The following KLHL25 variants were observed in gnomAD, a reference collection of about 807,000 sequenced individuals.
The protein encoded by KLHL25 is kelch-like protein 25.
KLHL25 carries 41 observed loss-of-function variants against 30.0 expected under a neutral mutation model. That is an observed-to-expected ratio of 1.37 (90% CI 1.07 to 1.78). The LOEUF is 1.78. KLHL25 is among the 40% of genes most tolerant of loss of function. The pLI, the probability that KLHL25 is intolerant of heterozygous loss-of-function variation, is 0.00. For missense variants in KLHL25, 971 were observed against 824.5 expected (o/e 1.18, Z -2.18); for synonymous variants, 399 against 355.3 (o/e 1.12, Z -1.38).
At chr15:85,780,045 T>TCA (rs1402391508) in intron 1 of KLHL25, among the ~76,000 whole-genome samples, 1 of 152,200 alleles carries the variant, frequency 6.6e-6, no homozygotes, top group Non-Finnish European at 1.5e-5. Context: ...GAGGCTTCTT[T>TCA]CAGCTCAAGG....
At chr15:85,773,167 G>A (rs996935274) in intron 1 of KLHL25, among the ~76,000 whole-genome samples, 2 of 152,270 alleles carry the variant, frequency 1.3e-5, no homozygotes, top group African/African-American at 2.4e-5. Context: ...CAGGGACCAT[G>A]TGTGGGGCTC....
chr15:85,762,150 T>G (rs2089587515), intron 2 of KLHL25: 1 of 152,236 alleles, frequency 6.6e-6, no homozygotes, highest in South Asian at 2.1e-4. Flanking sequence ...CCCTTCAAGC[T>G]CCTCACAAGT....
intron 1 of KLHL25, among the ~76,000 whole-genome samples, chr15:85,776,475 A>G (rs56183577): frequency 0.15 from 22,606 of 150,500 alleles, 2,238 homozygotes; most frequent in Middle Eastern, 0.3. Context: ...GGCGACAGAG[A>G]GGCTCCGTCT....
In KLHL25 at chr15:85,780,944, G is replaced by C. The variant is rs143985711; in HGVS notation, c.-10-11124C>G. Among the ~76,000 whole-genome samples, 758 of 152,304 alleles carry C rather than the reference G, an allele frequency of 5.0e-3. 13 individuals are homozygous for C. The highest frequency in any genetic ancestry group is 0.01 in the Admixed American group (154 of 15,304). ...ACACCGCAGCATGGTTACAAAAGGA[G>C]GGGCTGCGAACAACTACAATGTTCA... On this transcript the variant is annotated intron_variant, in intron 1 of 2. Transcript: ENST00000337975.
At chr15:85,765,635 AGAAGAAG>A (rs1435252590) in intron 2 of KLHL25, among the ~76,000 whole-genome samples, 114 of 62,442 alleles carry the variant, frequency 1.8e-3, no homozygotes, top group African/African-American at 4.7e-3. Flanking sequence ...AAAAAAAAAA[AGAAGAAG>A]AAGAAGAAGA....
rs1467160872 is a variant in KLHL25, at chr15:85,790,844, C to T, written c.-11+3922G>A. ...GACCAGGAAGATTTTTATGTATTTG[C>T]AGAAAATATGGTGCAATTTCTCAAT... On this transcript the variant is annotated intron_variant, in intron 1 of 2. Coordinates refer to ENST00000337975, the MANE Select transcript of KLHL25 (RefSeq NM_022480.4). 2.0e-5 allele frequency among the ~76,000 whole-genome samples: 3 copies of T among 150,658 alleles called. No individual in the cohort carries two copies. The East Asian group carries it at 5.9e-4, about 30-fold the overall frequency.
intron 1 of KLHL25, among the ~76,000 whole-genome samples, chr15:85,774,904 T>C (rs1409627702): frequency 7.0e-6 from 1 of 143,530 alleles, no homozygotes; most frequent in Admixed American, 7.2e-5. Flanking sequence ...TGAGACGGAG[T>C]CTTGCTCTGT....
At chr15:85,767,053 T>C (rs1383293298) in intron 2 of KLHL25, among the ~76,000 whole-genome samples, 1 of 150,078 alleles carries the variant, frequency 6.7e-6, no homozygotes, top group African/African-American at 2.5e-5. Context: ...TACAGCGGCA[T>C]GATCTTGGCT....
In KLHL25 at chr15:85,769,320, A is replaced by G; in HGVS notation, c.491T>C (p.Leu164Pro). 6.2e-7 allele frequency: 1 copy of G among 1,614,094 alleles called. No individual in the cohort carries two copies. The highest frequency in any genetic ancestry group is 8.5e-7 in the Non-Finnish European group (1 of 1,180,034). ...LLSDAHQCRR[L>P]YEFSWRMCLV... Reference sequence around the variant, plus strand: ...GCACATGCGCCAGGAGAACTCATACAGCCGGCGGCACTGGTGGGCGTCCGA... The same window carrying G: ...GCACATGCGCCAGGAGAACTCATACGGCCGGCGGCACTGGTGGGCGTCCGA... The change falls in exon 2 of 3, where the codon CTG becomes CCG. Residue 164 changes from leucine to proline, a missense_variant. Physicochemically the swap from Leu to Pro is moderately conservative, Grantham distance 98. Coordinates refer to ENST00000337975, the MANE Select transcript of KLHL25 (RefSeq NM_022480.4).
chr15:85,787,439 T>G (rs2089787962), intron 1 of KLHL25, among the ~76,000 whole-genome samples: 1 of 151,940 alleles, frequency 6.6e-6, no homozygotes, highest in Non-Finnish European at 1.5e-5. Flanking sequence ...AGAGCGAAAC[T>G]CAGTCTCAAA....
rs1438017231 is a variant in KLHL25 at position 85,760,572 on chromosome 15, A to G, written c.*464T>C. The G allele has an allele frequency of 6.6e-6, 1 of 152,168 alleles. No individual in the cohort carries two copies. Among genetic ancestry groups the G allele is most frequent in the Non-Finnish European group, 1.5e-5 (1 of 68,016 alleles). The allele number at this position is 152,168 out of a possible 1,614,324, so 9.4% of individuals were successfully genotyped here. On this transcript the variant is annotated 3_prime_UTR_variant, in exon 3 of 3. Transcript: ENST00000337975. ...GGGAACCTAGTTTCCCAGGCCCAGG[A>G]CACCATCTATAGATGGCAGTAGAGC... is the stretch of plus-strand genomic sequence containing the variant.
chr15:85,778,159 A>G (rs1400048932), intron 1 of KLHL25, among the ~76,000 whole-genome samples: 1 of 152,228 alleles, frequency 6.6e-6, no homozygotes, highest in Non-Finnish European at 1.5e-5. Flanking sequence ...CAGATGACAG[A>G]GCTGCCACCA....
intron 2 of KLHL25, among the ~76,000 whole-genome samples, chr15:85,767,329 G>A (rs1305210282): frequency 6.6e-6 from 1 of 151,904 alleles, no homozygotes; most frequent in Non-Finnish European, 1.5e-5. Context: ...CTTGAATTGG[G>A]CTCAAGCCAT....
At position 85,780,839 on chromosome 15, in the gene KLHL25, G is replaced by A. The variant is rs990076000; in HGVS notation, c.-10-11019C>T. 3.9e-5 allele frequency among the ~76,000 whole-genome samples: 6 copies of A among 152,290 alleles called. No homozygotes were observed. The South Asian group carries it at 1.2e-3, about 32-fold the overall frequency. On this transcript the variant is annotated intron_variant, in intron 1 of 2. Coordinates refer to ENST00000337975, the MANE Select transcript of KLHL25 (RefSeq NM_022480.4). ...GGAAACATCTTACAAAATGACAAAT[G>A]CATGTGCCCTCTGCCCCAGCATTTC... is the stretch of plus-strand genomic sequence containing the variant.
At position 85,768,383 on chromosome 15, in the gene KLHL25, G is replaced by A. The variant is rs540387084; in HGVS notation, c.1428C>T (p.Ala476=). ...TGTACCGCCAAGGCTGGGGGCACTC[G>A]GCCTTGATCGTCCACCTGTTCTCCG... is the stretch of plus-strand genomic sequence containing the variant. ...DPSENRWTIK[A]ECPQPWRYTA... Residue 476 remains alanine (A), a synonymous_variant, in exon 2 of 3, where the codon GCC becomes GCT. Transcript: ENST00000337975. 2.0e-5 allele frequency: 32 copies of A among 1,613,670 alleles called. No individual in the cohort carries two copies. The highest frequency in any genetic ancestry group is 2.5e-5 in the Non-Finnish European group (30 of 1,180,010).
At chr15:85,773,285 C>A (rs538084339) in intron 1 of KLHL25, among the ~76,000 whole-genome samples, 1 of 152,090 alleles carries the variant, frequency 6.6e-6, no homozygotes, top group Non-Finnish European at 1.5e-5. Context: ...CCCTGAGACA[C>A]AGCACACGAA....
At chr15:85,785,960 AC>A (rs1555470903) in intron 1 of KLHL25, among the ~76,000 whole-genome samples, 1 of 82,652 alleles carries the variant, frequency 1.2e-5, no homozygotes, top group Admixed American at 1.3e-4. Flanking sequence ...AAGGCAGCCG[AC>A]CCACCCCCCC....
At chr15:85,778,112 G>T (rs2089721327) in intron 1 of KLHL25, among the ~76,000 whole-genome samples, 1 of 152,200 alleles carries the variant, frequency 6.6e-6, no homozygotes. Flanking sequence ...GGTTCAGGCG[G>T]TAATGAGTGT....
intron 2 of KLHL25, among the ~76,000 whole-genome samples, chr15:85,765,994 G>T (rs1448522640): frequency 6.6e-6 from 1 of 152,176 alleles, no homozygotes; most frequent in Non-Finnish European, 1.5e-5. Context: ...GGACTCGAAG[G>T]CTTGGCTGGA....
Sources: allele counts gnomAD v4.1 joint callset (sites outside exome capture counted in the v4.1 genomes callset), GRCh38; gene constraint gnomAD v4.1.1; transcripts MANE v1.5; gene names NCBI Gene and HGNC (gene_info 2026-07-23, HGNC 2026-07-21).